The following ECPAS variants were observed in gnomAD, a reference collection of about 807,000 sequenced individuals.
The protein encoded by ECPAS is proteasome adapter and scaffold protein ECM29.
Under a neutral mutation model 255.1 loss-of-function variants are expected in ECPAS, and 70 were observed. The observed-to-expected ratio is 0.27, with a 90% CI of 0.23 to 0.33. The LOEUF (loss-of-function observed/expected upper bound fraction) is 0.33. Among genes scored for constraint, ECPAS ranks in the 10% least tolerant of loss-of-function variants. The pLI is 1.00. For synonymous variants in ECPAS, 784 were observed against 775.0 expected (o/e 1.01, Z -0.19); for missense variants, 1,817 against 2,206.4 (o/e 0.82, Z 3.54).
intron 2 of ECPAS, among the ~76,000 whole-genome samples, chr9:111,468,775 T>G (rs1175861066): frequency 1.3e-5 from 2 of 150,092 alleles, no homozygotes; most frequent in Non-Finnish European, 3.0e-5. Context: ...GAAACTAAAG[T>G]ATAGGGAATT....
At chr9:111,419,075 G>A (rs141560567) in intron 16 of ECPAS, among the ~76,000 whole-genome samples, 6 of 152,188 alleles carry the variant, frequency 3.9e-5, no homozygotes, top group Non-Finnish European at 7.4e-5. Flanking sequence ...AAAATAAATG[G>A]CATGAGGGGC....
At position 111,371,794 on chromosome 9, in the gene ECPAS, ACTC is replaced by A; in HGVS notation, c.4561_4563del (p.Glu1521del). 1 of 1,613,760 alleles carries A rather than the reference ACTC, an allele frequency of 6.2e-7. No homozygotes were observed. Among genetic ancestry groups the A allele is most frequent in the Non-Finnish European group, 8.5e-7 (1 of 1,179,740 alleles). The stretch of plus-strand genomic sequence containing the variant: ...AAAGCCTTCTGGGTAATAGTAATTA[ACTC>A]CTGCAGGTATAATCGAATGCCACCA... On this transcript the variant is annotated inframe_deletion, in exon 43 of 50. Coordinates refer to ENST00000684092, the MANE Select transcript of ECPAS (RefSeq NM_001364929.1).
intron 36 of ECPAS, 41 bp downstream of exon 36, chr9:111,378,539 C>T: frequency 6.3e-7 from 1 of 1,577,698 alleles, no homozygotes; most frequent in East Asian, 2.3e-5. Context: ...CAGGGCTCTT[C>T]CCTCATGATA....
intron 38 of ECPAS, 123 bp from the exon 39 acceptor site, chr9:111,374,161 G>A (rs2098130730): frequency 3.1e-6 from 2 of 636,030 alleles, no homozygotes; most frequent in African/African-American, 1.8e-5. Flanking sequence ...CCCCCTCCAG[G>A]ACTCAATATA....
At chr9:111,483,492 C>T in intron 1 of ECPAS, 4 of 978,888 alleles carry the variant, frequency 4.1e-6, no homozygotes, top group African/African-American at 1.8e-5. Flanking sequence ...CAGGTTCGGC[C>T]GCGGCACTTA....
chr9:111,450,620 C>G lies in ECPAS; in HGVS notation c.153+805G>C, dbSNP rs1157862669. ...CAAGGGGGAAATGTTCCATGTAGAA[C>G]AGTTTCGTTAAAAAATGAAAATACT... is the stretch of plus-strand genomic sequence containing the variant. On this transcript the variant is annotated intron_variant, in intron 3 of 49. Coordinates refer to ENST00000684092, the MANE Select transcript of ECPAS (RefSeq NM_001364929.1). Among the ~76,000 whole-genome samples the G allele has an allele frequency of 5.9e-5, 9 of 152,128 alleles. No homozygotes were observed. In the East Asian group the frequency reaches 1.3e-3, roughly 23 times the overall value.
chr9:111,426,028 T>C (rs16916098), intron 10 of ECPAS, among the ~76,000 whole-genome samples, 200 bp from the exon 11 acceptor site: 4,000 of 152,288 alleles, frequency 0.026, 127 homozygotes, highest in East Asian at 0.14. Flanking sequence ...ACAAACACAA[T>C]GGTTGATCGC....
rs566300793 is a variant in ECPAS at position 111,473,248 on chromosome 9, C to T, written c.-82-248G>A. On this transcript the variant is annotated intron_variant, in intron 1 of 49. Transcript: ENST00000684092. ...TACACTGATAATCATTTGCTGAAGA[C>T]TTAAAATCTCTAATACCAATGCAAC... 4.6e-5 allele frequency among the ~76,000 whole-genome samples: 7 copies of T among 152,212 alleles called. No individual in the cohort carries two copies. In the East Asian group the frequency reaches 1.3e-3, roughly 29 times the overall value.
chr9:111,472,267 T>C lies in ECPAS; in HGVS notation c.22+630A>G, dbSNP rs188908268. The stretch of plus-strand genomic sequence containing the variant: ...TGTCTCAAAAAAAAATTAAAAAATT[T>C]AAAAAACAAAAACCTCCATGATGGC... On this transcript the variant is annotated intron_variant, in intron 2 of 49. Transcript: ENST00000684092. Among the ~76,000 whole-genome samples, 493 of 151,642 alleles carry C rather than the reference T, an allele frequency of 3.3e-3. 2 individuals carry two copies. The highest frequency in any genetic ancestry group is 6.8e-3 in the Middle Eastern group (2 of 292).
rs765722685 is a variant in ECPAS, at chr9:111,422,019, T to C, written c.1357A>G (p.Ile453Val). 3 of 1,613,764 alleles carry C rather than the reference T, an allele frequency of 1.9e-6. No individual in the cohort carries two copies. Among genetic ancestry groups the C allele is most frequent in the South Asian group, 2.2e-5 (2 of 91,072 alleles). The change falls in exon 15 of 50, where the codon ATT becomes GTT. Residue 453 changes from isoleucine to valine, a missense_variant. Ile to Val is a conservative substitution (Grantham distance 29). This residue lies in a region of ECPAS where 573 missense variants were observed against 716.2 expected (regional missense o/e 0.80). Transcript: ENST00000684092. The stretch of plus-strand genomic sequence containing the variant: ...ACCATCATAGATAAAGCTTCTTGAA[T>C]AGCAAGTCGAGTCTCAGGCTCTTCC... ...CKEEPETRLA[I>V]QEALSMMVGA...
chr9:111,403,718 T>A (rs1005137951), intron 24 of ECPAS, among the ~76,000 whole-genome samples: 8 of 149,394 alleles, frequency 5.4e-5, no homozygotes, highest in Non-Finnish European at 1.2e-4. Flanking sequence ...AGACAGAAAA[T>A]CAAACAACCC....
In ECPAS at chr9:111,404,843, T is replaced by C. The variant is rs963069201; in HGVS notation, c.2652+3728A>G. Among the ~76,000 whole-genome samples the C allele has an allele frequency of 6.7e-5, 7 of 104,996 alleles. 1 individual carries two copies. In the South Asian group the frequency reaches 2.1e-3, roughly 31 times the overall value. 68.9% of individuals were successfully genotyped at this position (104,996 alleles called of 152,430 possible). A position where few individuals can be genotyped will look rare whatever the true frequency, so the allele number is the denominator to read the frequency against. On this transcript the variant is annotated intron_variant, in intron 24 of 49. Transcript: ENST00000684092. ...AAAAAAAAAAAAAAAAACCTAGGGATAAATTATAACCAAAGAAGCAAAAGA... is the reference window on the plus strand; with the variant it reads ...AAAAAAAAAAAAAAAAACCTAGGGACAAATTATAACCAAAGAAGCAAAAGA...
chr9:111,452,364 T>A (rs945430459), intron 2 of ECPAS, among the ~76,000 whole-genome samples: 1 of 152,180 alleles, frequency 6.6e-6, no homozygotes, highest in Non-Finnish European at 1.5e-5. Context: ...TAGAGATAAA[T>A]ACATTTATAA....
chr9:111,400,417 C>T (rs2098174076), intron 24 of ECPAS, among the ~76,000 whole-genome samples: 1 of 152,162 alleles, frequency 6.6e-6, no homozygotes, highest in South Asian at 2.1e-4. Flanking sequence ...AAAACATTCA[C>T]CCTAAACAAA....
chr9:111,410,277 G>A lies in ECPAS; in HGVS notation c.2378-64C>T, dbSNP rs967155906. On this transcript the variant is annotated intron_variant, in intron 22 of 49. Transcript: ENST00000684092. Reference sequence around the variant, plus strand: ...TTATCCTTACGACCCAAAGCAACCAGTGATGTACTCAAGGTTTTTTTTAAG... The same window carrying A: ...TTATCCTTACGACCCAAAGCAACCAATGATGTACTCAAGGTTTTTTTTAAG... 1.3e-5 allele frequency: 18 copies of A among 1,385,142 alleles called. No individual in the cohort carries two copies. In the East Asian group the frequency reaches 4.4e-4, roughly 34 times the overall value. The allele number at this position is 1,385,142 out of a possible 1,614,324, so 85.8% of individuals were successfully genotyped here.
At position 111,409,521 on chromosome 9, in the gene ECPAS, G is replaced by A. The variant is rs535822740; in HGVS notation, c.2550+520C>T. Among the ~76,000 whole-genome samples the A allele has an allele frequency of 1.5e-4, 22 of 151,464 alleles. No individual in the cohort carries two copies. The South Asian group carries it at 3.1e-3, about 22-fold the overall frequency. ...GGAGGTTGCAGTGAGCCGAGATCAC[G>A]CCATTGCACTTTAGCTTGAGCAGCA... On this transcript the variant is annotated intron_variant, in intron 23 of 49. Coordinates refer to ENST00000684092, the MANE Select transcript of ECPAS (RefSeq NM_001364929.1).
intron 24 of ECPAS, among the ~76,000 whole-genome samples, chr9:111,398,532 G>A (rs2098170862): frequency 6.6e-6 from 1 of 152,160 alleles, no homozygotes; most frequent in African/African-American, 2.4e-5. Flanking sequence ...CTATTTTTGT[G>A]TATGTTTGAA....
intron 7 of ECPAS, among the ~76,000 whole-genome samples, chr9:111,434,917 T>TTTTTTTTTC (rs1554794299): frequency 7.1e-6 from 1 of 141,622 alleles, no homozygotes; most frequent in African/African-American, 2.6e-5. Flanking sequence ...TTTTTTTTTT[T>TTTTTTTTTC]ACACAGAGTC....
At chr9:111,448,109 T>C (rs1290701689) in intron 3 of ECPAS, among the ~76,000 whole-genome samples, 1 of 152,210 alleles carries the variant, frequency 6.6e-6, no homozygotes, top group Non-Finnish European at 1.5e-5. Context: ...TGATTACATA[T>C]TACATGCATG....
Sources: allele counts gnomAD v4.1 joint callset (sites outside exome capture counted in the v4.1 genomes callset), GRCh38; gene constraint gnomAD v4.1.1; regional missense constraint gnomAD v4.1.1; transcripts MANE v1.5; gene names NCBI Gene and HGNC (gene_info 2026-07-23, HGNC 2026-07-21).